Variants in KCNN2 observed in about 807,000 individuals in gnomAD.
The protein encoded by KCNN2 is small conductance calcium-activated potassium channel protein 2.
A neutral mutation model predicts 55.5 loss-of-function variants in KCNN2; 24 were observed. The ratio of observed to expected loss-of-function variants is 0.43; its 90% CI spans 0.31 to 0.61. KCNN2 has a LOEUF of 0.61. Ranked by LOEUF, KCNN2 falls within the 20% of genes least tolerant of loss-of-function variation. The pLI is 0.08. For synonymous variants in KCNN2, 431 were observed against 336.1 expected (o/e 1.28, Z -3.09); for missense variants, 754 against 853.6 (o/e 0.88, Z 1.45).
At chr5:114,143,578 G>A (rs568167167) in intron 1 of KCNN2, among the ~76,000 whole-genome samples, 9 of 152,200 alleles carry the variant, frequency 5.9e-5, no homozygotes, top group Non-Finnish European at 5.9e-5. Context: ...CACAAGGGTC[G>A]CATTCCATAC....
intron 1 of KCNN2, among the ~76,000 whole-genome samples, chr5:114,208,112 T>TGTGAG (rs1753811111): frequency 6.6e-6 from 1 of 152,120 alleles, no homozygotes; most frequent in African/African-American, 2.4e-5. Flanking sequence ...AAGAATGAAT[T>TGTGAG]CACAATTATG....
intron 2 of KCNN2, among the ~76,000 whole-genome samples, chr5:114,375,419 A>T (rs1757902024): frequency 6.6e-6 from 1 of 152,128 alleles, no homozygotes; most frequent in Admixed American, 6.5e-5. Flanking sequence ...TGTTTTATTT[A>T]TGTGGAATTA....
intron 2 of KCNN2, among the ~76,000 whole-genome samples, chr5:114,368,669 T>C (rs1757674965): frequency 6.6e-6 from 1 of 152,158 alleles, no homozygotes; most frequent in Non-Finnish European, 1.5e-5. Flanking sequence ...ATACACATAA[T>C]AAAAACAGTA....
intron 2 of KCNN2, among the ~76,000 whole-genome samples, chr5:114,314,837 C>A (rs1044828842): frequency 1.3e-5 from 2 of 152,252 alleles, no homozygotes; most frequent in Non-Finnish European, 1.5e-5. Flanking sequence ...ATTTACAAAA[C>A]AATAAATTGC....
At chr5:114,099,795 C>T (rs1356198788) in intron 1 of KCNN2, among the ~76,000 whole-genome samples, 4 of 151,940 alleles carry the variant, frequency 2.6e-5, no homozygotes, top group African/African-American at 9.7e-5. Context: ...TATATAATGA[C>T]CATAGGTATT....
At chr5:114,457,162 GTTATT>G (rs1364433952) in intron 3 of KCNN2, among the ~76,000 whole-genome samples, 4 of 152,100 alleles carry the variant, frequency 2.6e-5, no homozygotes, top group Non-Finnish European at 4.4e-5. Context: ...TCATTGCTGT[GTTATT>G]TTAAGAAATT....
chr5:114,179,696 C>T (rs952851662), intron 1 of KCNN2, among the ~76,000 whole-genome samples: 5 of 152,070 alleles, frequency 3.3e-5, no homozygotes, highest in Admixed American at 2.0e-4. Flanking sequence ...CAGGCACAAT[C>T]ATCACTCCCA....
At chr5:114,088,520 G>A (rs928922579) in intron 1 of KCNN2, among the ~76,000 whole-genome samples, 8 of 151,730 alleles carry the variant, frequency 5.3e-5, no homozygotes, top group African/African-American at 9.7e-5. Flanking sequence ...CACTTGATTA[G>A]TATCTATTGT....
At chr5:114,438,216 G>A (rs72801830) in intron 3 of KCNN2, among the ~76,000 whole-genome samples, 11,075 of 152,210 alleles carry the variant, frequency 0.073, 516 homozygotes, top group Non-Finnish European at 0.098. Flanking sequence ...TTTACAGTTT[G>A]AAATGTAGGA....
chr5:114,305,868 G>C (rs1255693659), intron 2 of KCNN2, among the ~76,000 whole-genome samples: 1 of 152,180 alleles, frequency 6.6e-6, no homozygotes, highest in Non-Finnish European at 1.5e-5. Context: ...CAGAAAATAG[G>C]TTTATAGGTC....
intron 2 of KCNN2, among the ~76,000 whole-genome samples, chr5:114,251,880 C>CTTTTTTTTTTTTTTTTTTTTCT (rs200692821): frequency 7.5e-6 from 1 of 133,300 alleles, no homozygotes; most frequent in South Asian, 2.5e-4. Flanking sequence ...TTTTCTTTTT[C>CTTTTTTTTTTTTTTTTTTTTCT]TTTTTTTTTT....
chr5:114,455,702 GT>G (rs775893487), intron 3 of KCNN2, among the ~76,000 whole-genome samples: 17 of 152,346 alleles, frequency 1.1e-4, no homozygotes, highest in Non-Finnish European at 1.9e-4. Flanking sequence ...CAAAGGAAAA[GT>G]TGAAGGAAAT....
At chr5:114,165,580 A>T (rs984922016) in intron 1 of KCNN2, among the ~76,000 whole-genome samples, 2 of 152,134 alleles carry the variant, frequency 1.3e-5, no homozygotes, top group Non-Finnish European at 2.9e-5. Flanking sequence ...TCTCTGTAAG[A>T]TATTAAAACC....
chr5:114,235,580 C>A (rs1357965448), intron 2 of KCNN2, among the ~76,000 whole-genome samples: 1 of 152,030 alleles, frequency 6.6e-6, no homozygotes, highest in Non-Finnish European at 1.5e-5. Context: ...AGAAACTATC[C>A]ATTTATATTA....
chr5:114,181,548 C>T (rs1291597763), intron 1 of KCNN2, among the ~76,000 whole-genome samples: 1 of 152,022 alleles, frequency 6.6e-6, no homozygotes, highest in African/African-American at 2.4e-5. Flanking sequence ...ATTCATTTTC[C>T]TAATGATATA....
chr5:114,434,151 A>C (rs1458898015), intron 3 of KCNN2, among the ~76,000 whole-genome samples: 3 of 150,314 alleles, frequency 2.0e-5, no homozygotes, highest in Non-Finnish European at 4.4e-5. Context: ...TTCACTTTTT[A>C]TCCTTTTTAG....
At chr5:114,433,836 C>G (rs1213341080) in intron 3 of KCNN2, 1 of 153,968 alleles carries the variant, frequency 6.5e-6, no homozygotes, top group African/African-American at 2.4e-5. Flanking sequence ...AAACTCCAGA[C>G]GGCGCCACCT....
At chr5:114,325,751 T>C (rs1192073644) in intron 2 of KCNN2, among the ~76,000 whole-genome samples, 1 of 152,166 alleles carries the variant, frequency 6.6e-6, no homozygotes, top group Non-Finnish European at 1.5e-5. Context: ...GCAGAGTTCA[T>C]GTGAGTCTGG....
chr5:114,307,519 A>G (rs189215086), intron 2 of KCNN2, among the ~76,000 whole-genome samples: 28 of 152,252 alleles, frequency 1.8e-4, no homozygotes, highest in African/African-American at 6.7e-4. Flanking sequence ...TCATAGCCTC[A>G]TTGATACTGT....
Sources: allele counts gnomAD v4.1 joint callset (sites outside exome capture counted in the v4.1 genomes callset), GRCh38; gene constraint gnomAD v4.1.1; transcripts MANE v1.5; gene names NCBI Gene and HGNC (gene_info 2026-07-23, HGNC 2026-07-21).